The following SLIT3 variants were observed in gnomAD, a reference collection of about 807,000 sequenced individuals.
The protein encoded by SLIT3 is slit guidance ligand 3, also known as slit homolog 3 protein.
SLIT3 carries 68 observed loss-of-function variants against 184.0 expected under a neutral mutation model. The ratio of observed to expected loss-of-function variants is 0.37; its 90% CI spans 0.30 to 0.45. The LOEUF is 0.45. Ranked by LOEUF, SLIT3 falls within the 20% of genes least tolerant of loss-of-function variation. The pLI is 1.00. For missense variants in SLIT3, 1,707 were observed against 2,026.0 expected (o/e 0.84, Z 3.02); for synonymous variants, 831 against 828.6 (o/e 1.00, Z -0.05).
intron 20 of SLIT3, among the ~76,000 whole-genome samples, chr5:168,748,002 C>A (rs554840736): frequency 9.2e-5 from 14 of 152,120 alleles, no homozygotes; most frequent in African/African-American, 3.1e-4. Flanking sequence ...AGGGGTGATA[C>A]GGAAAATGAG....
chr5:169,296,017 A>G (rs1767492827), intron 1 of SLIT3, among the ~76,000 whole-genome samples: 1 of 152,224 alleles, frequency 6.6e-6, no homozygotes, highest in Non-Finnish European at 1.5e-5. Context: ...ACCAGACTCC[A>G]GAGTAGATCA....
At chr5:168,784,534 G>A (rs564266374) in intron 12 of SLIT3, among the ~76,000 whole-genome samples, 8 of 152,290 alleles carry the variant, frequency 5.3e-5, no homozygotes, top group South Asian at 2.1e-4. Context: ...GCTGGGCATC[G>A]CACGCCTACA....
At chr5:168,808,110 G>A (rs1418293955) in intron 8 of SLIT3, among the ~76,000 whole-genome samples, 2 of 152,052 alleles carry the variant, frequency 1.3e-5, no homozygotes, top group Non-Finnish European at 2.9e-5. Context: ...TCTTGTCCAG[G>A]GTACATGGAC....
chr5:169,231,013 G>A (rs1425557152), intron 3 of SLIT3, among the ~76,000 whole-genome samples: 2 of 152,028 alleles, frequency 1.3e-5, no homozygotes, highest in African/African-American at 4.8e-5. Context: ...AAGTGCAGCA[G>A]ATCCTTGAAT....
At position 169,037,917 on chromosome 5, in the gene SLIT3, C is replaced by T. The variant is rs553402104; in HGVS notation, c.414-154581G>A. 10 of 152,380 alleles carry T rather than the reference C, an allele frequency of 6.6e-5. No homozygotes were observed. The East Asian group carries it at 1.9e-3, about 29-fold the overall frequency. The allele number at this position is 152,380 out of a possible 1,614,324, so 9.4% of individuals were successfully genotyped here. A position where few individuals can be genotyped will look rare whatever the true frequency, so the allele number is the denominator to read the frequency against. ...ATATTCTTTTTCACGACTGTGTTTA[C>T]ACTATTGTTTAACAACTTTGTATAA... On this transcript the variant is annotated intron_variant, in intron 4 of 35. Coordinates refer to ENST00000519560, the MANE Select transcript of SLIT3 (RefSeq NM_003062.4).
chr5:168,691,666 C>T (rs903247151), intron 29 of SLIT3, among the ~76,000 whole-genome samples: 6 of 152,174 alleles, frequency 3.9e-5, no homozygotes, highest in South Asian at 2.1e-4. Context: ...CCAGTTGCCC[C>T]GGACTGCCTG....
intron 9 of SLIT3, among the ~76,000 whole-genome samples, chr5:168,804,412 ATATT>A (rs1410937443): frequency 2.7e-5 from 4 of 149,830 alleles, no homozygotes; most frequent in Non-Finnish European, 4.4e-5. Context: ...AAGGAGGGAG[ATATT>A]TAAAGTAAAT....
chr5:169,227,762 C>G (rs1581078375), intron 3 of SLIT3, among the ~76,000 whole-genome samples: 1 of 152,200 alleles, frequency 6.6e-6, no homozygotes, highest in South Asian at 2.1e-4. Flanking sequence ...GCTGCAATTA[C>G]CTTTGCACTA....
chr5:169,125,297 T>C (rs1418550113), intron 4 of SLIT3, among the ~76,000 whole-genome samples: 1 of 152,206 alleles, frequency 6.6e-6, no homozygotes, highest in East Asian at 1.9e-4. Context: ...CCACCTGCCT[T>C]GGCCTCCCAA....
chr5:168,832,891 G>A (rs942218399), intron 6 of SLIT3, among the ~76,000 whole-genome samples: 3 of 151,990 alleles, frequency 2.0e-5, no homozygotes, highest in South Asian at 2.1e-4. Flanking sequence ...TTTGGTCTCC[G>A]AACCAAACAA....
chr5:168,966,924 C>G (rs1053493984), intron 4 of SLIT3, among the ~76,000 whole-genome samples: 1 of 152,122 alleles, frequency 6.6e-6, no homozygotes, highest in Non-Finnish European at 1.5e-5. Flanking sequence ...AAGCTCTTAA[C>G]GTGCACATAA....
At chr5:168,918,449 G>C (rs531640354) in intron 4 of SLIT3, among the ~76,000 whole-genome samples, 1 of 152,320 alleles carries the variant, frequency 6.6e-6, no homozygotes, top group South Asian at 2.1e-4. Flanking sequence ...AAGTTGGTAT[G>C]TCAGTTGTCA....
chr5:168,969,809 C>T (rs1193372992), intron 4 of SLIT3, among the ~76,000 whole-genome samples: 3 of 152,224 alleles, frequency 2.0e-5, no homozygotes, highest in African/African-American at 7.2e-5. Flanking sequence ...CTTTGGGGCT[C>T]TCAAAACTAA....
chr5:168,803,589 A>C (rs920575526), intron 9 of SLIT3, among the ~76,000 whole-genome samples: 2 of 152,140 alleles, frequency 1.3e-5, no homozygotes, highest in Non-Finnish European at 2.9e-5. Flanking sequence ...TAGAGATGTG[A>C]AGTGGAAGGG....
rs1303230425 is a variant in SLIT3 at position 168,786,084 on chromosome 5, G to A, written c.1080-106C>T. The A allele has an allele frequency of 6.7e-6, 5 of 750,586 alleles. No individual in the cohort carries two copies. In the African/African-American group the frequency reaches 8.6e-5, roughly 13 times the overall value. 46.5% of individuals were successfully genotyped at this position (750,586 alleles called of 1,614,324 possible). A position where few individuals can be genotyped will look rare whatever the true frequency, so the allele number is the denominator to read the frequency against. ...GGCCAGTTCTGGGTATGAGATCTCA[G>A]GACAACCCCTTCCACGGCCTGCCTA... On this transcript the variant is annotated intron_variant, in intron 11 of 35. Transcript: ENST00000519560.
At chr5:169,077,698 G>A (rs1460997939) in intron 4 of SLIT3, among the ~76,000 whole-genome samples, 3 of 151,904 alleles carry the variant, frequency 2.0e-5, no homozygotes, top group Admixed American at 2.0e-4. Flanking sequence ...CTGTGTGGGG[G>A]GTCACCACCC....
At chr5:169,119,036 G>A (rs577510449) in intron 4 of SLIT3, among the ~76,000 whole-genome samples, 4 of 152,248 alleles carry the variant, frequency 2.6e-5, no homozygotes, top group Non-Finnish European at 4.4e-5. Flanking sequence ...TCCCACGACC[G>A]CTTAGTCCAG....
At chr5:168,772,578 G>GTA (rs143843048) in intron 14 of SLIT3, 142,300 of 585,080 alleles carry the variant, frequency 0.24, 15,031 homozygotes, top group Middle Eastern at 0.3. Flanking sequence ...TATTGTGTGT[G>GTA]TGTGTGTGTG....
At chr5:168,972,337 ATGTGTGTGTGTGTGTGTGTG>A (rs60588036) in intron 4 of SLIT3, among the ~76,000 whole-genome samples, 1 of 118,246 alleles carries the variant, frequency 8.5e-6, no homozygotes, top group African/African-American at 3.7e-5. Context: ...GCAGGACAAC[ATGTGTGTGTGTGTGTGTGTG>A]TGTGTGTGTG....
Sources: allele counts gnomAD v4.1 joint callset (sites outside exome capture counted in the v4.1 genomes callset), GRCh38; gene constraint gnomAD v4.1.1; transcripts MANE v1.5; gene names NCBI Gene and HGNC (gene_info 2026-07-23, HGNC 2026-07-21).